The following PPP1R36 variants were observed in gnomAD, a reference collection of about 807,000 sequenced individuals.
PPP1R36 encodes chromosome 14 open reading frame 50.
In PPP1R36, 47 loss-of-function variants were observed where a neutral mutation model predicts 53.4. The ratio of observed to expected loss-of-function variants is 0.88; its 90% CI spans 0.70 to 1.12. The LOEUF is 1.12. Ranked by LOEUF, PPP1R36 falls within the 50% of genes most tolerant of loss-of-function variation. The pLI is 0.00. For missense variants in PPP1R36, 456 were observed against 513.9 expected (o/e 0.89, Z 1.09); for synonymous variants, 153 against 170.5 (o/e 0.90, Z 0.80).
chr14:64,567,994 A>G (rs1445823773), intron 6 of PPP1R36, among the ~76,000 whole-genome samples: 1 of 152,200 alleles, frequency 6.6e-6, no homozygotes, highest in Non-Finnish European at 1.5e-5. Context: ...AGGGAGTAGG[A>G]TGGTGACAGA....
intron 3 of PPP1R36, among the ~76,000 whole-genome samples, chr14:64,560,103 C>CAAAA (rs1171697200): frequency 0.011 from 289 of 27,412 alleles, 4 homozygotes; most frequent in Non-Finnish European, 0.013. Flanking sequence ...GAATCTGTCA[C>CAAAA]AAAAAAAAAA....
chr14:64,581,723 C>T (rs1030444262), intron 8 of PPP1R36, among the ~76,000 whole-genome samples: 5 of 152,192 alleles, frequency 3.3e-5, no homozygotes, highest in South Asian at 2.1e-4. Flanking sequence ...CATTATGCTG[C>T]GTATCTCTAT....
intron 3 of PPP1R36, chr14:64,561,665 A>G: frequency 2.5e-6 from 1 of 401,824 alleles, no homozygotes; most frequent in South Asian, 1.8e-5. Context: ...ATCAGCATGC[A>G]TGCCCATTTC....
At chr14:64,554,712 G>A (rs1463467683) in intron 3 of PPP1R36, among the ~76,000 whole-genome samples, 2 of 152,100 alleles carry the variant, frequency 1.3e-5, no homozygotes, top group African/African-American at 4.8e-5. Flanking sequence ...ATACCTAGCA[G>A]GGCGAGATTA....
chr14:64,554,135 C>T (rs1339212442), intron 3 of PPP1R36, among the ~76,000 whole-genome samples: 1 of 140,764 alleles, frequency 7.1e-6, no homozygotes, highest in African/African-American at 2.7e-5. Context: ...CAAATCCCAT[C>T]ACAATTGTTT....
chr14:64,553,294 G>A (rs945570762), intron 3 of PPP1R36, among the ~76,000 whole-genome samples: 2 of 152,074 alleles, frequency 1.3e-5, no homozygotes, highest in African/African-American at 4.8e-5. Flanking sequence ...CTAATCTAAC[G>A]ACCCACCCCA....
chr14:64,553,261 A>G (rs1346741091), intron 3 of PPP1R36, among the ~76,000 whole-genome samples: 1 of 152,046 alleles, frequency 6.6e-6, no homozygotes, highest in Non-Finnish European at 1.5e-5. Flanking sequence ...GGCTGACAGT[A>G]TTTTTCAAAC....
chr14:64,580,310 A>AT (rs997650696), intron 8 of PPP1R36, among the ~76,000 whole-genome samples: 5 of 152,234 alleles, frequency 3.3e-5, no homozygotes, highest in African/African-American at 9.6e-5. Flanking sequence ...CCTCAAAAAA[A>AT]TTTTTTTTAA....
intron 3 of PPP1R36, among the ~76,000 whole-genome samples, chr14:64,559,822 G>A (rs2080190268): frequency 6.6e-6 from 1 of 152,166 alleles, no homozygotes; most frequent in Non-Finnish European, 1.5e-5. Flanking sequence ...TGCATCTTAG[G>A]CCCGGGTGTG....
intron 3 of PPP1R36, 155 bp downstream of exon 3, chr14:64,553,016 G>T: frequency 1.7e-6 from 1 of 575,670 alleles, no homozygotes; most frequent in South Asian, 2.1e-5. Flanking sequence ...CTGTTGCCCA[G>T]GCTGGTGGAC....
At chr14:64,556,573 G>A (rs1388451440) in intron 3 of PPP1R36, among the ~76,000 whole-genome samples, 1 of 151,322 alleles carries the variant, frequency 6.6e-6, no homozygotes, top group East Asian at 2.0e-4. Context: ...ACCAGCCTGG[G>A]CAACATAGTG....
At chr14:64,551,173 G>C (rs1465089688) in intron 2 of PPP1R36, among the ~76,000 whole-genome samples, 188 bp downstream of exon 2, 1 of 152,192 alleles carries the variant, frequency 6.6e-6, no homozygotes, top group Non-Finnish European at 1.5e-5. Context: ...CAGACACTGT[G>C]CTAATGTTTA....
chr14:64,585,367 T>C (rs1284397236), intron 8 of PPP1R36, among the ~76,000 whole-genome samples: 2 of 151,746 alleles, frequency 1.3e-5, no homozygotes, highest in Admixed American at 6.6e-5. Flanking sequence ...AATACAAAAA[T>C]TAGCTGGTCA....
At chr14:64,551,642 A>C in intron 2 of PPP1R36, 1 of 456,300 alleles carries the variant, frequency 2.2e-6, no homozygotes, top group African/African-American at 2.0e-5. Flanking sequence ...AGATGAAGAA[A>C]CAAGGCTCAG....
chr14:64,568,316 ACT>A, intron 6 of PPP1R36, 31 bp from the exon 7 acceptor site: 1 of 931,112 alleles, frequency 1.1e-6, no homozygotes, highest in East Asian at 2.5e-5. Flanking sequence ...GTTAGCATTG[ACT>A]CTTTTTTTGT....
At chr14:64,569,959 G>A (rs1186985036) in intron 7 of PPP1R36, among the ~76,000 whole-genome samples, 1 of 151,526 alleles carries the variant, frequency 6.6e-6, no homozygotes, top group Non-Finnish European at 1.5e-5. Flanking sequence ...ATCTGGTCTC[G>A]AACTCCTGAC....
intron 3 of PPP1R36, among the ~76,000 whole-genome samples, chr14:64,556,092 C>G (rs1304741773): frequency 1.3e-5 from 2 of 149,902 alleles, no homozygotes; most frequent in Admixed American, 1.3e-4. Flanking sequence ...CATTTTGTGA[C>G]TGATAATTCC....
chr14:64,578,862 GC>G (rs1269856443), intron 8 of PPP1R36, among the ~76,000 whole-genome samples: 1 of 152,138 alleles, frequency 6.6e-6, no homozygotes, highest in African/African-American at 2.4e-5. Flanking sequence ...CAACCTAAAT[GC>G]CCAACAGTGA....
rs556188705 is a variant in PPP1R36 at position 64,587,135 on chromosome 14, G to T, written c.712-59G>T. On this transcript the variant is annotated intron_variant, in intron 9 of 11. Coordinates refer to ENST00000298705, the MANE Select transcript of PPP1R36 (RefSeq NM_172365.3). ...TCTGCTTAGCTGTGTTATACAGACA[G>T]GTAAGAGTTTTCCATTTCACAGCTA... The T allele has an allele frequency of 8.3e-6, 11 of 1,333,244 alleles. No individual in the cohort carries two copies. In the South Asian group the frequency reaches 1.5e-4, roughly 18 times the overall value. 82.6% of individuals were successfully genotyped at this position (1,333,244 alleles called of 1,614,324 possible). A position where few individuals can be genotyped will look rare whatever the true frequency, so the allele number is the denominator to read the frequency against.
Sources: gnomAD v4.1 joint callset for allele counts (sites outside exome capture counted in the v4.1 genomes callset) on GRCh38, gnomAD v4.1.1 for gene constraint, MANE v1.5 for transcripts, NCBI Gene and HGNC (gene_info 2026-07-23, HGNC 2026-07-21) for gene names.